PLXDC2: variants seen among roughly 807,000 people sequenced by gnomAD.
PLXDC2 encodes plexin domain-containing protein 2.
A neutral mutation model predicts 68.9 loss-of-function variants in PLXDC2; 40 were observed. The observed-to-expected ratio is 0.58, with a 90% CI of 0.45 to 0.76. PLXDC2 has a LOEUF of 0.76. Ranked by LOEUF, PLXDC2 falls within the 30% of genes least tolerant of loss-of-function variation. The pLI is 0.00. For missense variants in PLXDC2, 644 were observed against 661.9 expected (o/e 0.97, Z 0.30); for synonymous variants, 243 against 234.2 (o/e 1.04, Z -0.34).
chr10:20,016,057 G>C (rs1214138995), intron 2 of PLXDC2, among the ~76,000 whole-genome samples: 1 of 152,114 alleles, frequency 6.6e-6, no homozygotes, highest in Non-Finnish European at 1.5e-5. Flanking sequence ...TTAAATCAAG[G>C]TTTGGAAAAT....
At chr10:20,088,931 C>T (rs115256199) in intron 4 of PLXDC2, among the ~76,000 whole-genome samples, 374 of 152,160 alleles carry the variant, frequency 2.5e-3, no homozygotes, top group African/African-American at 8.1e-3. Context: ...TTGCATTTGA[C>T]CTTGTCTGGA....
In PLXDC2 at chr10:20,174,023, G is replaced by A. The variant is rs556949416; in HGVS notation, c.884-2976G>A. On this transcript the variant is annotated intron_variant, in intron 7 of 13. Transcript: ENST00000377252. The stretch of plus-strand genomic sequence containing the variant: ...CACTTTCTCTTTACTCCATACGCAC[G>A]ATCAATAACTCTCAGAAGCTTCTCA... Among the ~76,000 whole-genome samples, 5 of 152,220 alleles carry A rather than the reference G, an allele frequency of 3.3e-5. No homozygotes were observed. The South Asian group carries it at 1.0e-3, about 32-fold the overall frequency.
intron 1 of PLXDC2, among the ~76,000 whole-genome samples, chr10:19,904,617 G>A (rs530213830): frequency 1.6e-3 from 239 of 152,304 alleles, no homozygotes; most frequent in African/African-American, 5.5e-3. Context: ...CATGAAGGCT[G>A]TAGCAGTGAT....
At chr10:19,905,538 A>G (rs778308465) in intron 1 of PLXDC2, among the ~76,000 whole-genome samples, 3 of 152,218 alleles carry the variant, frequency 2.0e-5, no homozygotes, top group African/African-American at 4.8e-5. Flanking sequence ...TTAAAAATCA[A>G]TGGAGTGTGG....
intron 1 of PLXDC2, among the ~76,000 whole-genome samples, chr10:19,979,021 CAAAAT>C (rs757967466): frequency 2.0e-5 from 3 of 152,112 alleles, no homozygotes; most frequent in African/African-American, 7.2e-5. Flanking sequence ...GAGCAGGAAA[CAAAAT>C]AAACGTTTCT....
intron 12 of PLXDC2, among the ~76,000 whole-genome samples, chr10:20,220,507 C>CT (rs1835195369): frequency 6.6e-6 from 1 of 151,886 alleles, no homozygotes. Context: ...ACTTCCTTCC[C>CT]TTCCTTTCCT....
intron 6 of PLXDC2, among the ~76,000 whole-genome samples, chr10:20,162,226 A>G (rs1471328116): frequency 6.6e-6 from 1 of 152,130 alleles, no homozygotes. Context: ...GAGAGTGGAG[A>G]ATGCATCTGG....
chr10:20,013,030 T>C (rs1835145007), intron 2 of PLXDC2, among the ~76,000 whole-genome samples: 1 of 152,236 alleles, frequency 6.6e-6, no homozygotes, highest in Non-Finnish European at 1.5e-5. Flanking sequence ...CTGGAACTAT[T>C]TGGCTTTTAT....
At position 20,253,355 on chromosome 10, in the gene PLXDC2, A is replaced by G. The variant is rs147209772; in HGVS notation, c.1473+7850A>G. Among the ~76,000 whole-genome samples the G allele has an allele frequency of 4.1e-3, 602 of 146,958 alleles. 4 individuals carry two copies. The highest frequency in any genetic ancestry group is 0.014 in the African/African-American group (548 of 39,890). ...ACTCCAGCCTGAGCAACAGAGTGAG[A>G]TTCTGTCTCAAAATGATAATAATAA... On this transcript the variant is annotated intron_variant, in intron 13 of 13. Transcript: ENST00000377252.
intron 2 of PLXDC2, among the ~76,000 whole-genome samples, chr10:20,021,426 C>G (rs1007439661): frequency 6.6e-6 from 1 of 152,126 alleles, no homozygotes; most frequent in Non-Finnish European, 1.5e-5. Context: ...CTCCCCTTGA[C>G]AGGCCCTGGT....
chr10:20,220,837 AC>A (rs1342022433), intron 12 of PLXDC2, among the ~76,000 whole-genome samples: 1 of 73,888 alleles, frequency 1.4e-5, no homozygotes, highest in African/African-American at 4.1e-5. Context: ...TGCTCTTAAC[AC>A]TTTTTTTTTT....
At chr10:20,126,329 A>T (rs186939694) in intron 4 of PLXDC2, among the ~76,000 whole-genome samples, 3,115 of 103,670 alleles carry the variant, frequency 0.03, 147 homozygotes, top group East Asian at 0.13. Context: ...ATATATACAT[A>T]TACGTTATAT....
rs35250324 is a variant in PLXDC2 at position 19,927,713 on chromosome 10, C to CAAAAA, written c.113-74041_113-74037dup. The stretch of plus-strand genomic sequence containing the variant: ...GAGACTCCATCTCAAGGAAAAAAAG[C>CAAAAA]AAAAAAAAAAAAAAAAAAAAAAAAA... On this transcript the variant is annotated intron_variant, in intron 1 of 13. Coordinates refer to ENST00000377252, the MANE Select transcript of PLXDC2 (RefSeq NM_032812.9). 8.1e-3 allele frequency among the ~76,000 whole-genome samples: 432 copies of CAAAAA among 53,164 alleles called. 1 individual carries two copies. The highest frequency in any genetic ancestry group is 0.012 in the East Asian group (15 of 1,286). The allele number at this position is 53,164 out of a possible 152,430, so 34.9% of individuals were successfully genotyped here.
intron 1 of PLXDC2, among the ~76,000 whole-genome samples, chr10:19,966,370 A>AAAAATATATATGTCCACATATAT (rs1834253927): frequency 7.5e-6 from 1 of 133,478 alleles, no homozygotes; most frequent in African/African-American, 2.8e-5. Flanking sequence ...CACATATATA[A>AAAAATATATATGTCCACATATAT]AAAATATATA....
rs190493301 is a variant in PLXDC2 at position 19,849,675 on chromosome 10, C to G, written c.112+32484C>G. ...GTAAGTTTCCTGAGGCCTCCCTAAC[C>G]CTGCACAACCATGAGTCAATTAAAC... On this transcript the variant is annotated intron_variant, in intron 1 of 13. Transcript: ENST00000377252. 8.5e-5 allele frequency among the ~76,000 whole-genome samples: 13 copies of G among 152,182 alleles called. No homozygotes were observed. The East Asian group carries it at 2.3e-3, about 27-fold the overall frequency.
At chr10:19,826,473 A>G (rs912575720) in intron 1 of PLXDC2, among the ~76,000 whole-genome samples, 1 of 152,154 alleles carries the variant, frequency 6.6e-6, no homozygotes, top group African/African-American at 2.4e-5. Context: ...TTTTTTTGTC[A>G]TACAAGAAAA....
chr10:19,830,751 TC>T (rs1353903629), intron 1 of PLXDC2, among the ~76,000 whole-genome samples: 1 of 151,130 alleles, frequency 6.6e-6, no homozygotes, highest in African/African-American at 2.4e-5. Context: ...TTTTTTTTTT[TC>T]CTGGGAGTTG....
intron 4 of PLXDC2, among the ~76,000 whole-genome samples, chr10:20,112,843 T>C (rs1215521605): frequency 6.6e-6 from 1 of 152,238 alleles, no homozygotes; most frequent in East Asian, 1.9e-4. Context: ...GACAAACACA[T>C]TGCCAACAGG....
chr10:19,889,790 C>T (rs1837917061), intron 1 of PLXDC2, among the ~76,000 whole-genome samples: 1 of 152,162 alleles, frequency 6.6e-6, no homozygotes, highest in Non-Finnish European at 1.5e-5. Context: ...AGATGAACTC[C>T]AAATAGTGCC....
Sources: allele counts gnomAD v4.1 joint callset (sites outside exome capture counted in the v4.1 genomes callset), GRCh38; gene constraint gnomAD v4.1.1; transcripts MANE v1.5; gene names NCBI Gene and HGNC (gene_info 2026-07-23, HGNC 2026-07-21).